FNTB: variants seen among roughly 807,000 people sequenced by gnomAD.
FNTB encodes the protein farnesyltransferase, CAAX box, subunit beta, also known as protein farnesyltransferase subunit beta.
A neutral mutation model predicts 59.4 loss-of-function variants in FNTB; 27 were observed. The ratio of observed to expected loss-of-function variants is 0.45; its 90% confidence interval spans 0.34 to 0.63. The LOEUF (loss-of-function observed/expected upper bound fraction) is 0.63, where lower values mean the gene tolerates loss of function less well. Among genes scored for constraint, FNTB ranks in the 20% least tolerant of loss-of-function variants. The probability of loss-of-function intolerance (pLI) is 0.02; values close to 1 mark genes in which losing one functional copy is unlikely to be tolerated. For synonymous variants in FNTB, 230 were observed against 220.7 expected, an observed-to-expected ratio of 1.04 and a Z score of -0.37; for missense variants, 449 against 559.6, an observed-to-expected ratio of 0.80 and a Z score of 1.99.
In FNTB at chr14:65,054,568, C is replaced by T; in HGVS notation, c.1068-7C>T. 6.2e-7 allele frequency: 1 copy of T among 1,611,606 alleles called. No individual in the cohort carries two copies. Among genetic ancestry groups the T allele is most frequent in the Non-Finnish European group, 8.5e-7 (1 of 1,178,968 alleles). On this transcript the variant is annotated splice_polypyrimidine_tract_variant and splice_region_variant and intron_variant, in intron 10 of 11. Transcript: ENST00000246166. The surrounding 1 kb of genome is among the most constrained non-coding windows in gnomAD (Gnocchi z 4.4). ...GAGCGCCTGCTCAGAGCTGCCTGTC[C>T]TTACAGGTCGCGTGATTTCTACCAC...
rs1388502970 is a variant in FNTB at position 65,023,241 on chromosome 14, T to G, written c.375-4212T>G. ...GCCTGGTTAATTTTTATAATTCTTG[T>G]AGAGATGGGGTTTTGCCATGTTGCC... On this transcript the variant is annotated intron_variant, in intron 4 of 11. Coordinates refer to ENST00000246166, the MANE Select transcript of FNTB (RefSeq NM_002028.4). This position sits in a 1 kb window ranked among gnomAD's most constrained non-coding sequence, Gnocchi z 4.1. Among the ~76,000 whole-genome samples, 1 of 152,118 alleles carries G rather than the reference T, an allele frequency of 6.6e-6. No homozygotes were observed. The highest frequency in any genetic ancestry group is 2.4e-5 in the African/African-American group (1 of 41,416).
intron 2 of FNTB, 54 bp downstream of exon 2, chr14:65,004,367 G>GCCTTTCTTCTTTCCT (rs1393340382): frequency 9.6e-6 from 15 of 1,567,112 alleles, no homozygotes; most frequent in Non-Finnish European, 1.2e-5. Flanking sequence ...CCATGCAGCA[G>GCCTTTCTTCTTTCCT]CCTTTCTTCT....
intron 3 of FNTB, chr14:65,015,393 G>A (rs1206269543): frequency 5.6e-5 from 21 of 378,090 alleles, no homozygotes; most frequent in Non-Finnish European, 9.1e-5. Context: ...ATGAACCACC[G>A]CGCCCAGCCT....
intron 4 of FNTB, among the ~76,000 whole-genome samples, chr14:65,026,394 G>A (rs80339922): frequency 0.023 from 3,458 of 152,294 alleles, 66 homozygotes; most frequent in Non-Finnish European, 0.036. Context: ...CTCAGTGAGG[G>A]AATGGGAGCC....
At chr14:65,005,812 T>G (rs1331797521) in intron 2 of FNTB, among the ~76,000 whole-genome samples, 1 of 152,116 alleles carries the variant, frequency 6.6e-6, no homozygotes, top group Non-Finnish European at 1.5e-5. Context: ...TTATTTTTGT[T>G]TTTATTTTTT....
intron 1 of FNTB, among the ~76,000 whole-genome samples, chr14:64,995,664 AC>A (rs1752533231): frequency 6.6e-6 from 1 of 150,880 alleles, no homozygotes; most frequent in Admixed American, 6.6e-5. Flanking sequence ...ATAAGTTGAT[AC>A]ATACTTAGTT....
intron 11 of FNTB, among the ~76,000 whole-genome samples, chr14:65,055,117 G>A (rs907949391): frequency 6.6e-6 from 1 of 152,254 alleles, no homozygotes; most frequent in Non-Finnish European, 1.5e-5. Flanking sequence ...CAGAGAATGA[G>A]ATCCCCAGAA....
chr14:65,061,122 G>GAAACA, intron 11 of FNTB, 59 bp from the exon 12 acceptor site: 1 of 1,598,616 alleles, frequency 6.3e-7, no homozygotes, highest in Non-Finnish European at 8.5e-7. Flanking sequence ...AGCAAAGGAT[G>GAAACA]TGTTATGTTT....
intron 10 of FNTB, among the ~76,000 whole-genome samples, chr14:65,053,636 A>C (rs968509333): frequency 6.7e-6 from 1 of 148,704 alleles, no homozygotes; most frequent in African/African-American, 2.5e-5. Flanking sequence ...TAAAAAAAAC[A>C]AAAAAAAACT....
At chr14:65,056,130 G>T (rs1049224820) in intron 11 of FNTB, among the ~76,000 whole-genome samples, 1 of 152,106 alleles carries the variant, frequency 6.6e-6, no homozygotes, top group Non-Finnish European at 1.5e-5. Context: ...ACAGTTGCTT[G>T]CATGTTTTCA....
intron 4 of FNTB, among the ~76,000 whole-genome samples, chr14:65,017,834 C>T (rs2061808083): frequency 6.6e-6 from 1 of 151,746 alleles, no homozygotes; most frequent in Admixed American, 6.6e-5. Context: ...GCATGCCTGT[C>T]ATCCCAGCTA....
In FNTB at chr14:65,030,404, C is replaced by G. The variant is rs1036363703; in HGVS notation, c.606-2206C>G. Reference sequence around the variant, plus strand: ...TTCTGCAGAGACTTCTTTGGAATACCTCAGTAAGTCTGACTTCATGTTATA... The same window carrying G: ...TTCTGCAGAGACTTCTTTGGAATACGTCAGTAAGTCTGACTTCATGTTATA... On this transcript the variant is annotated intron_variant, in intron 6 of 11. Coordinates refer to ENST00000246166, the MANE Select transcript of FNTB (RefSeq NM_002028.4). The surrounding 1 kb of genome is among the most constrained non-coding windows in gnomAD (Gnocchi z 4.5). Among the ~76,000 whole-genome samples the G allele has an allele frequency of 9.9e-5, 15 of 152,130 alleles. No homozygotes were observed. Among genetic ancestry groups the G allele is most frequent in the Admixed American group, 2.0e-4 (3 of 15,268 alleles).
At chr14:65,055,702 A>C (rs1485254230) in intron 11 of FNTB, among the ~76,000 whole-genome samples, 4 of 151,990 alleles carry the variant, frequency 2.6e-5, no homozygotes, top group Non-Finnish European at 1.5e-5. Flanking sequence ...TTTTTAGTAG[A>C]GACAGGGTTT....
At chr14:64,993,886 G>A (rs1398780699) in intron 1 of FNTB, among the ~76,000 whole-genome samples, 2 of 146,710 alleles carry the variant, frequency 1.4e-5, no homozygotes, top group South Asian at 2.2e-4. Context: ...ACAGAGTTTC[G>A]CTCTTGTCGC....
chr14:65,035,094 T>G (rs1324663939), intron 7 of FNTB, among the ~76,000 whole-genome samples: 1 of 152,246 alleles, frequency 6.6e-6, no homozygotes, highest in Non-Finnish European at 1.5e-5. Flanking sequence ...TTTTCTTCTT[T>G]GACTTTCCTG....
In FNTB at chr14:64,990,305, G is replaced by A. The variant is rs1025931727; in HGVS notation, c.144+3208G>A. Among the ~76,000 whole-genome samples the A allele has an allele frequency of 1.2e-4, 19 of 152,176 alleles. No individual in the cohort carries two copies. Among genetic ancestry groups the A allele is most frequent in the African/African-American group, 4.6e-4 (19 of 41,426 alleles). On this transcript the variant is annotated intron_variant, in intron 1 of 11. Coordinates refer to ENST00000246166, the MANE Select transcript of FNTB (RefSeq NM_002028.4). The surrounding 1 kb of genome is among the most constrained non-coding windows in gnomAD (Gnocchi z 5.2). Reference sequence around the variant, plus strand: ...TAGATGTGCCCCAGGAGGGGGCCCTGCACTGACAGGTTGCCTTGCTTTATG... The same window carrying A: ...TAGATGTGCCCCAGGAGGGGGCCCTACACTGACAGGTTGCCTTGCTTTATG...
chr14:65,055,570 A>G (rs1236073890), intron 11 of FNTB, among the ~76,000 whole-genome samples: 1 of 151,842 alleles, frequency 6.6e-6, no homozygotes, highest in Non-Finnish European at 1.5e-5. Flanking sequence ...AGGCTGGAGT[A>G]CAGTGGCATG....
rs1034168786 is a variant in FNTB, at chr14:65,031,591, C to T, written c.606-1019C>T. Among the ~76,000 whole-genome samples, 1 of 152,074 alleles carries T rather than the reference C, an allele frequency of 6.6e-6. No homozygotes were observed. Among genetic ancestry groups the T allele is most frequent in the African/African-American group, 2.4e-5 (1 of 41,448 alleles). On this transcript the variant is annotated intron_variant, in intron 6 of 11. Coordinates refer to ENST00000246166, the MANE Select transcript of FNTB (RefSeq NM_002028.4). This position sits in a 1 kb window ranked among gnomAD's most constrained non-coding sequence, Gnocchi z 4.6. ...TCAGCCTCCCAAAGTGCTGGGATTA[C>T]AGGCATGAGCAACTGTGCCCAGCCT...
chr14:65,051,491 A>G (rs1171572534), intron 9 of FNTB, among the ~76,000 whole-genome samples: 2 of 151,892 alleles, frequency 1.3e-5, no homozygotes, highest in African/African-American at 2.4e-5. Context: ...CATGCCTGTA[A>G]TCCCAGCTAC....
Sources: gnomAD v4.1 joint callset for allele counts (sites outside exome capture counted in the v4.1 genomes callset) on GRCh38, gnomAD v4.1.1 for gene constraint, Gnocchi (gnomAD v3.1) non-coding constraint, MANE v1.5 for transcripts, NCBI Gene and HGNC (gene_info 2026-07-23, HGNC 2026-07-21) for gene names.